The following GRHL2 variants were observed in gnomAD, a reference collection of about 807,000 sequenced individuals.
The protein encoded by GRHL2 is grainyhead-like protein 2 homolog.
GRHL2 carries 21 observed loss-of-function variants against 83.8 expected under a neutral mutation model. The observed-to-expected ratio is 0.25, with a 90% CI of 0.18 to 0.36. GRHL2 has a LOEUF of 0.36. Ranked by LOEUF, GRHL2 falls within the 10% of genes least tolerant of loss-of-function variation. GRHL2 has a pLI of 1.00. For synonymous variants in GRHL2, 280 were observed against 278.9 expected (o/e 1.00, Z -0.04); for missense variants, 623 against 781.8 (o/e 0.80, Z 2.42).
intron 13 of GRHL2, among the ~76,000 whole-genome samples, chr8:101,646,459 G>A (rs1025348822): frequency 6.6e-6 from 1 of 152,166 alleles, no homozygotes; most frequent in Non-Finnish European, 1.5e-5. Context: ...GACACATGAG[G>A]GCGCTGTAAC....
At chr8:101,594,087 AAAAAAAAAAAAGAG>A (rs1812343401) in intron 7 of GRHL2, among the ~76,000 whole-genome samples, 1 of 141,174 alleles carries the variant, frequency 7.1e-6, no homozygotes, top group African/African-American at 2.7e-5. Flanking sequence ...AAAAAAAAAA[AAAAAAAAAAAAGAG>A]AGAGATAGTG....
intron 1 of GRHL2, among the ~76,000 whole-genome samples, chr8:101,502,967 T>C (rs907410463): frequency 6.6e-6 from 1 of 152,166 alleles, no homozygotes; most frequent in African/African-American, 2.4e-5. Context: ...AGATTTCAAA[T>C]AATATAAGGA....
intron 4 of GRHL2, among the ~76,000 whole-genome samples, chr8:101,564,819 A>AAG (rs1371425385): frequency 6.6e-6 from 1 of 151,364 alleles, no homozygotes; most frequent in African/African-American, 2.4e-5. Context: ...CTCCAAAAAA[A>AAG]AAAAAAAAAA....
At chr8:101,652,554 ATGTGTGG>A (rs1563627557) in intron 14 of GRHL2, among the ~76,000 whole-genome samples, 4 of 20,230 alleles carry the variant, frequency 2.0e-4, no homozygotes, top group Admixed American at 5.8e-4. Context: ...TGTGGTGTGT[ATGTGTGG>A]TGGTGTGTGT....
chr8:101,497,235 C>T (rs553981933), intron 1 of GRHL2, among the ~76,000 whole-genome samples: 4 of 152,282 alleles, frequency 2.6e-5, no homozygotes, highest in African/African-American at 7.2e-5. Flanking sequence ...ATAGTGTTTC[C>T]TCAGACACGC....
At chr8:101,625,894 G>A (rs1323794149) in intron 9 of GRHL2, among the ~76,000 whole-genome samples, 4 of 151,916 alleles carry the variant, frequency 2.6e-5, no homozygotes, top group African/African-American at 7.2e-5. Context: ...GGTTGGAGTC[G>A]GGGATGTCAG....
At chr8:101,680,703 G>T in the GRHL2 span, among the ~76,000 whole-genome samples, 2 of 129,526 alleles carry the variant, frequency 1.5e-5, no homozygotes, top group Non-Finnish European at 3.2e-5. Flanking sequence ...AAATGTAAAA[G>T]AACAGAGATT....
chr8:101,570,057 C>G (rs1358982664), intron 4 of GRHL2, among the ~76,000 whole-genome samples: 1 of 152,182 alleles, frequency 6.6e-6, no homozygotes, highest in Non-Finnish European at 1.5e-5. Context: ...GATGTATTAT[C>G]TATTTGAGGA....
intron 1 of GRHL2, among the ~76,000 whole-genome samples, chr8:101,529,998 C>G (rs1810890638): frequency 6.6e-6 from 1 of 152,160 alleles, no homozygotes; most frequent in Non-Finnish European, 1.5e-5. Context: ...TGTTATTTCT[C>G]TCTCTGGCCC....
chr8:101,574,440 G>A (rs897278115), intron 6 of GRHL2, among the ~76,000 whole-genome samples: 19 of 152,222 alleles, frequency 1.2e-4, no homozygotes, highest in Admixed American at 5.9e-4. Flanking sequence ...GGAGAGGCCC[G>A]GTAATCCTTC....
chr8:101,677,688 G>A, the GRHL2 span, among the ~76,000 whole-genome samples: 1 of 152,052 alleles, frequency 6.6e-6, no homozygotes, highest in Non-Finnish European at 1.5e-5. Context: ...TACAATGTCA[G>A]CCATTTCCTG....
chr8:101,509,110 C>CTTCCTTCT (rs1810399295), intron 1 of GRHL2, among the ~76,000 whole-genome samples: 6 of 26,374 alleles, frequency 2.3e-4, no homozygotes, highest in African/African-American at 8.1e-4. Context: ...TCTTTCTCTC[C>CTTCCTTCT]TTCCTTCCTT....
chr8:101,562,783 C>T (rs1277865206), intron 4 of GRHL2, among the ~76,000 whole-genome samples: 2 of 152,154 alleles, frequency 1.3e-5, no homozygotes, highest in Admixed American at 6.5e-5. Context: ...TGTTTAGGAG[C>T]ACTGCCTCTG....
chr8:101,679,160 G>A, the GRHL2 span, among the ~76,000 whole-genome samples: 2 of 132,440 alleles, frequency 1.5e-5, no homozygotes, highest in East Asian at 4.4e-4. Flanking sequence ...CAAAGGCAAA[G>A]AAGTGGAAAA....
chr8:101,576,850 G>A (rs779339224), intron 6 of GRHL2, among the ~76,000 whole-genome samples: 8 of 152,046 alleles, frequency 5.3e-5, no homozygotes, highest in Non-Finnish European at 8.8e-5. Flanking sequence ...TTGCTCTTGC[G>A]TTTTTCAGTG....
Position 101,558,540 on chromosome 8 carries a change from C to A in GRHL2, c.406C>A (p.Arg136=). Residue 136 remains arginine (R), a synonymous_variant, in exon 4 of 16, where the codon CGG becomes AGG. Transcript: ENST00000646743. ...LNQDHLENSK[R]EQYSISFPES... ...TCAAGATCACCTGGAGAATTCCAAG[C>A]GGGAACAGTACAGCATCAGCTTCCC... 1 of 1,614,094 alleles carries A rather than the reference C, an allele frequency of 6.2e-7. No individual in the cohort carries two copies. Among genetic ancestry groups the A allele is most frequent in the Non-Finnish European group, 8.5e-7 (1 of 1,180,020 alleles).
At chr8:101,509,935 A>T (rs1278552368) in intron 1 of GRHL2, among the ~76,000 whole-genome samples, 2 of 152,204 alleles carry the variant, frequency 1.3e-5, no homozygotes, top group East Asian at 1.9e-4. Flanking sequence ...CCTATAAAGC[A>T]CTTAAGTAAA....
chr8:101,563,759 T>A (rs1811657705), intron 4 of GRHL2, among the ~76,000 whole-genome samples: 1 of 152,076 alleles, frequency 6.6e-6, no homozygotes, highest in Non-Finnish European at 1.5e-5. Context: ...GAATGAAGGA[T>A]CTTGTAGAGT....
At position 101,660,928 on chromosome 8, in the gene GRHL2, G is replaced by A. The variant is rs77560955; in HGVS notation, c.1699-3526G>A. Among the ~76,000 whole-genome samples the A allele has an allele frequency of 6.3e-3, 963 of 152,148 alleles. 8 individuals carry two copies. Among genetic ancestry groups the A allele is most frequent in the African/African-American group, 0.022 (898 of 41,488 alleles). On this transcript the variant is annotated intron_variant, in intron 14 of 15. Coordinates refer to ENST00000646743, the MANE Select transcript of GRHL2 (RefSeq NM_024915.4). The stretch of plus-strand genomic sequence containing the variant: ...CCAGATTTTGCAAAAATAGTTTAAT[G>A]CTTTATTTCTAGAAAACAATTAGAT...
Sources: gnomAD v4.1 joint callset for allele counts (sites outside exome capture counted in the v4.1 genomes callset) on GRCh38, gnomAD v4.1.1 for gene constraint, MANE v1.5 for transcripts, NCBI Gene and HGNC (gene_info 2026-07-23, HGNC 2026-07-21) for gene names.